The following CENPT variants were observed in gnomAD, a reference collection of about 807,000 sequenced individuals.
The protein encoded by CENPT is centromere protein T.
Under a neutral mutation model 59.7 loss-of-function variants are expected in CENPT, and 42 were observed. The ratio of observed to expected loss-of-function variants is 0.70; its 90% CI spans 0.55 to 0.91. CENPT has a LOEUF of 0.91. Ranked by LOEUF, CENPT falls within the 40% of genes least tolerant of loss-of-function variation. CENPT has a pLI of 0.00. For missense variants in CENPT, 716 were observed against 713.4 expected, an observed-to-expected ratio of 1.00 and a Z score of -0.04; for synonymous variants, 295 against 289.6, an observed-to-expected ratio of 1.02 and a Z score of -0.19.
chr16:67,842,605 G>A lies in CENPT; in HGVS notation c.-492+4796C>T, dbSNP rs769622165. 3.2e-6 allele frequency: 5 copies of A among 1,550,096 alleles called. No individual in the cohort carries two copies. The South Asian group carries it at 3.6e-5, about 11-fold the overall frequency. ...CAGGCTGCTACAACAACTCGCACCGGGACAAGGCGCTGCACTTCTACACGT... is the reference window on the plus strand; with the variant it reads ...CAGGCTGCTACAACAACTCGCACCGAGACAAGGCGCTGCACTTCTACACGT... On this transcript the variant is annotated intron_variant, in intron 1 of 15. Transcript: ENST00000562787. This position sits in a 1 kb window ranked among gnomAD's most constrained non-coding sequence, Gnocchi z 4.9.
chr16:67,840,718 C>T (rs993426757), intron 1 of CENPT, among the ~76,000 whole-genome samples: 17 of 151,852 alleles, frequency 1.1e-4, no homozygotes, highest in Non-Finnish European at 8.8e-5. Flanking sequence ...AACCTTCACA[C>T]GTACCCCCGA....
chr16:67,832,946 G>T (rs1292132385), intron 4 of CENPT, among the ~76,000 whole-genome samples: 5 of 152,152 alleles, frequency 3.3e-5, no homozygotes, highest in Admixed American at 1.3e-4. Context: ...AAGAACTTGG[G>T]TACCCCAGAC....
rs1286505432 is a variant in CENPT at position 67,842,844 on chromosome 16, C to T, written c.-492+4557G>A. The T allele has an allele frequency of 6.2e-7, 1 of 1,607,592 alleles. No homozygotes were observed. The highest frequency in any genetic ancestry group is 8.5e-7 in the Non-Finnish European group (1 of 1,178,926). On this transcript the variant is annotated intron_variant, in intron 1 of 15. Transcript: ENST00000562787. The surrounding 1 kb of genome is among the most constrained non-coding windows in gnomAD (Gnocchi z 4.9). ...AAAGTAGCGCGCAGACCCGCTGGGG[C>T]CGCGGCCGCCCGCCGCAGGCAGCAG...
Position 67,828,398 on chromosome 16 carries a change from G to A in CENPT, c.1563-8C>T, listed in dbSNP as rs1567789024. 4.3e-6 allele frequency: 7 copies of A among 1,611,602 alleles called. No homozygotes were observed. Among genetic ancestry groups the A allele is most frequent in the Non-Finnish European group, 5.9e-6 (7 of 1,178,146 alleles). On this transcript the variant is annotated splice_polypyrimidine_tract_variant and splice_region_variant and intron_variant, in intron 15 of 15. Transcript: ENST00000562787. ...TCAGTGACCAGGCCCTGCCTGCAGT[G>A]GAGGAAGAGAAGGGACAGGCAGAAT...
rs147538598 is a variant in CENPT at position 67,830,899 on chromosome 16, G to A, written c.703+317C>T. 141 of 506,628 alleles carry A rather than the reference G, an allele frequency of 2.8e-4. 2 individuals are homozygous for A. Among genetic ancestry groups the A allele is most frequent in the African/African-American group, 2.2e-3 (115 of 52,188 alleles). 31.4% of individuals were successfully genotyped at this position (506,628 alleles called of 1,614,324 possible). ...TGGTGAACTTGTTTTCTGCAATCAG[G>A]CTCCCAGGTCAGTTTGAATTGGCCA... On this transcript the variant is annotated intron_variant, in intron 10 of 15. Coordinates refer to ENST00000562787, the MANE Select transcript of CENPT (RefSeq NM_025082.4).
rs746521528 is a variant in CENPT, at chr16:67,842,869, GCAGCAA to G, written c.-492+4526_-492+4531del. ...CCGCGGCCGCCCGCCGCAGGCAGCA[GCAGCAA>G]CAGCAGCAGCAGCAGCAACAGCAGC... On this transcript the variant is annotated intron_variant, in intron 1 of 15. Transcript: ENST00000562787. This position sits in a 1 kb window ranked among gnomAD's most constrained non-coding sequence, Gnocchi z 4.9. The G allele has an allele frequency of 1.7e-5, 27 of 1,604,432 alleles. No individual in the cohort carries two copies. Among genetic ancestry groups the G allele is most frequent in the Middle Eastern group, 1.7e-4 (1 of 5,910 alleles).
At chr16:67,838,251 G>T (rs998243705) in intron 1 of CENPT, among the ~76,000 whole-genome samples, 1 of 152,170 alleles carries the variant, frequency 6.6e-6, no homozygotes, top group African/African-American at 2.4e-5. Context: ...TTTGAGCAAG[G>T]TGAGTCCTGA....
chr16:67,846,182 A>C, intron 1 of CENPT, among the ~76,000 whole-genome samples: 1 of 152,260 alleles, frequency 6.6e-6, no homozygotes, highest in Non-Finnish European at 1.5e-5. Flanking sequence ...ATCACAGCGA[A>C]ATTTTGGGTA....
chr16:67,828,788 T>C lies in CENPT; in HGVS notation c.1336A>G (p.Thr446Ala), dbSNP rs768424638. Residue 446 changes from threonine to alanine, a missense_variant, in exon 14 of 16, where the codon ACC becomes GCC. Physicochemically the swap from Thr to Ala is moderately conservative, Grantham distance 58. Coordinates refer to ENST00000562787, the MANE Select transcript of CENPT (RefSeq NM_025082.4). ...TCTTGCCGGGGCCTGGGGCCGGTGGTCCGGGGCCTAGGGGGATGCCTGACC... is the reference window on the plus strand; with the variant it reads ...TCTTGCCGGGGCCTGGGGCCGGTGGCCCGGGGCCTAGGGGGATGCCTGACC... ...LLVRHPPRPR[T>A]TGPRPRQDPH... 6.2e-7 allele frequency: 1 copy of C among 1,607,322 alleles called. No individual in the cohort carries two copies. The highest frequency in any genetic ancestry group is 1.1e-5 in the South Asian group (1 of 90,080).
chr16:67,841,010 C>CATACATATATATATATATATATATATAT (rs1256263734), intron 1 of CENPT, among the ~76,000 whole-genome samples: 1 of 109,402 alleles, frequency 9.1e-6, no homozygotes, highest in African/African-American at 3.5e-5. Flanking sequence ...ATACAAAATA[C>CATACATATATATATATATATATATATAT]ATATATATAT....
chr16:67,845,465 G>A (rs981533867), intron 1 of CENPT, among the ~76,000 whole-genome samples: 1 of 152,218 alleles, frequency 6.6e-6, no homozygotes, highest in South Asian at 2.1e-4. Context: ...CCTAGGGTTA[G>A]ATCTGGCTGG....
intron 13 of CENPT, 60 bp from the exon 14 acceptor site, chr16:67,828,903 G>C (rs536717269): frequency 1.3e-6 from 2 of 1,508,982 alleles, no homozygotes; most frequent in Admixed American, 2.3e-5. Context: ...TTATTCAAGA[G>C]CAAGTCTTGC....
At chr16:67,831,406 G>A in intron 9 of CENPT, 48 bp from the exon 10 acceptor site, 1 of 1,599,172 alleles carries the variant, frequency 6.3e-7, no homozygotes, top group African/African-American at 1.3e-5. Context: ...CTGAGACCCA[G>A]TTTGCCCACA....
intron 1 of CENPT, among the ~76,000 whole-genome samples, chr16:67,844,470 A>C (rs563104646): frequency 7.8e-4 from 119 of 152,342 alleles, no homozygotes; most frequent in Middle Eastern, 3.4e-3. Flanking sequence ...TTCAACAAGA[A>C]GGACCAACTG....
intron 3 of CENPT, 119 bp downstream of exon 3, chr16:67,835,053 C>G (rs2057726353): frequency 6.6e-6 from 1 of 152,142 alleles, no homozygotes; most frequent in Admixed American, 6.6e-5. Context: ...GTTGGTCAGG[C>G]TGGTGTCAAA....
Position 67,829,406 on chromosome 16 carries a change from G to T in CENPT, c.1280+17C>A. ...CTTCCCAAGAGGCCCATGAGGAATG[G>T]GGTTGTGGGATCTTACACTGCAGCA... On this transcript the variant is annotated intron_variant, in intron 13 of 15. Transcript: ENST00000562787. 6.3e-7 allele frequency: 1 copy of T among 1,580,796 alleles called. No individual in the cohort carries two copies. The highest frequency in any genetic ancestry group is 8.6e-7 in the Non-Finnish European group (1 of 1,166,384).
intron 10 of CENPT, 178 bp from the exon 11 acceptor site, chr16:67,830,726 C>T (rs1598141263): frequency 3.2e-6 from 2 of 616,584 alleles, no homozygotes; most frequent in Middle Eastern, 4.3e-4. Flanking sequence ...GCACGCGAGG[C>T]CTTATCGCCT....
Position 67,844,945 on chromosome 16 carries a change from C to T in CENPT, c.-492+2456G>A, listed in dbSNP as rs566587789. Among the ~76,000 whole-genome samples, 14 of 152,168 alleles carry T rather than the reference C, an allele frequency of 9.2e-5. No homozygotes were observed. The South Asian group carries it at 1.0e-3, about 11-fold the overall frequency. ...CTGGGATTATAGGCACCCGCCACCA[C>T]GTCGGGCTGATTTTTGTATTTTCAG... is the stretch of plus-strand genomic sequence containing the variant. On this transcript the variant is annotated intron_variant, in intron 1 of 15. Transcript: ENST00000562787.
chr16:67,840,690 G>A (rs1016655831), intron 1 of CENPT, among the ~76,000 whole-genome samples: 3 of 151,880 alleles, frequency 2.0e-5, no homozygotes, highest in Non-Finnish European at 4.4e-5. Flanking sequence ...GCGGTGACAC[G>A]AGTTCACCTA....
Sources: gnomAD v4.1 joint callset for allele counts (sites outside exome capture counted in the v4.1 genomes callset) on GRCh38, gnomAD v4.1.1 for gene constraint, Gnocchi (gnomAD v3.1) non-coding constraint, MANE v1.5 for transcripts, NCBI Gene and HGNC (gene_info 2026-07-23, HGNC 2026-07-21) for gene names.